E2F7: variants seen among roughly 807,000 people sequenced by gnomAD.
E2F7 encodes transcription factor E2F7.
A neutral mutation model predicts 81.1 loss-of-function variants in E2F7; 35 were observed. The observed-to-expected ratio is 0.43, with a 90% CI of 0.33 to 0.57. The LOEUF (loss-of-function observed/expected upper bound fraction) is 0.57, where lower values mean the gene tolerates loss of function less well. Ranked by LOEUF, E2F7 falls within the 20% of genes least tolerant of loss-of-function variation. The pLI is 0.04. For missense variants in E2F7, 961 were observed against 1,093.7 expected, an observed-to-expected ratio of 0.88 and a Z score of 1.71; for synonymous variants, 416 against 416.2, an observed-to-expected ratio of 1.00 and a Z score of 0.01.
At chr12:77,048,587 C>A (rs1447580023) in intron 4 of E2F7, among the ~76,000 whole-genome samples, 1 of 152,174 alleles carries the variant, frequency 6.6e-6, no homozygotes, top group Admixed American at 6.5e-5. Flanking sequence ...AGTCTGTAAC[C>A]TGGGATGTAG....
rs897456747 is a variant in E2F7 at position 77,023,520 on chromosome 12, T to C, written c.*495A>G. 6.5e-6 allele frequency: 1 copy of C among 152,906 alleles called. No individual in the cohort carries two copies. Among genetic ancestry groups the C allele is most frequent in the African/African-American group, 2.4e-5 (1 of 41,448 alleles). The allele number at this position is 152,906 out of a possible 1,614,324, so 9.5% of individuals were successfully genotyped here. On this transcript the variant is annotated 3_prime_UTR_variant, in exon 13 of 13. Coordinates refer to ENST00000322886, the MANE Select transcript of E2F7 (RefSeq NM_203394.3). ...TGTAAACTTTTTGCACTAAATCCCATTTCAGGAACAAAATAAATAACACCA... is the reference window on the plus strand; with the variant it reads ...TGTAAACTTTTTGCACTAAATCCCACTTCAGGAACAAAATAAATAACACCA...
At position 77,061,479 on chromosome 12, in the gene E2F7, G is replaced by A. The variant is rs57171848; in HGVS notation, c.93+3064C>T. Among the ~76,000 whole-genome samples the A allele has an allele frequency of 1.1e-3, 165 of 152,274 alleles. 1 individual carries two copies. Among genetic ancestry groups the A allele is most frequent in the African/African-American group, 3.9e-3 (164 of 41,546 alleles). ...TTCCTTCCTTCCAGCCACAGCTCAA[G>A]TGCTAGCTCCTTCACAAAGCTCTCC... On this transcript the variant is annotated intron_variant, in intron 2 of 12. Coordinates refer to ENST00000322886, the MANE Select transcript of E2F7 (RefSeq NM_203394.3).
intron 5 of E2F7, among the ~76,000 whole-genome samples, 184 bp from the exon 6 acceptor site, chr12:77,044,979 G>T (rs973102845): frequency 3.3e-5 from 5 of 152,210 alleles, no homozygotes; most frequent in Non-Finnish European, 7.3e-5. Flanking sequence ...AGATTTTCTT[G>T]TGGCTTGTAA....
chr12:77,063,290 C>T (rs1025653758), intron 2 of E2F7, among the ~76,000 whole-genome samples: 2 of 152,114 alleles, frequency 1.3e-5, no homozygotes, highest in African/African-American at 2.4e-5. Context: ...AAAAGGTGAA[C>T]GTTCTTGACT....
intron 2 of E2F7, among the ~76,000 whole-genome samples, chr12:77,063,420 C>G (rs7961533): frequency 1.3e-5 from 2 of 152,058 alleles, no homozygotes; most frequent in Non-Finnish European, 2.9e-5. Flanking sequence ...ATACCCCAAA[C>G]TGCAAAAGTT....
At chr12:77,050,830 G>T in intron 3 of E2F7, 86 bp from the exon 4 acceptor site, 1 of 1,371,746 alleles carries the variant, frequency 7.3e-7, no homozygotes, top group Non-Finnish European at 1.0e-6. Context: ...TTGGCAAACT[G>T]GGGGGACATC....
At chr12:77,040,514 C>T (rs1268276912) in intron 7 of E2F7, among the ~76,000 whole-genome samples, 1 of 152,190 alleles carries the variant, frequency 6.6e-6, no homozygotes, top group Admixed American at 6.5e-5. Context: ...GTGGAAACAC[C>T]CTGAGTACCG....
intron 9 of E2F7, among the ~76,000 whole-genome samples, chr12:77,031,734 G>A (rs1015843486): frequency 6.6e-6 from 1 of 152,130 alleles, no homozygotes; most frequent in African/African-American, 2.4e-5. Flanking sequence ...ATTTCTTTCC[G>A]TCTTTCTGAT....
chr12:77,034,400 T>A (rs547789453), intron 7 of E2F7, among the ~76,000 whole-genome samples: 1 of 152,238 alleles, frequency 6.6e-6, no homozygotes, highest in African/African-American at 2.4e-5. Context: ...CCGACCATGC[T>A]CAGCCCAACA....
chr12:77,050,711 A>G lies in E2F7; in HGVS notation c.403T>C (p.Phe135Leu), dbSNP rs1954979464. ...DVVGDSAVDE[F>L]EKQRPSRKQK... ...TTTCTGCTTGGCCTTTGCTTTTCAA[A>G]TTCGTCCACAGCACTGTCCCCAACA... Residue 135 changes from phenylalanine to leucine, a missense_variant, in exon 4 of 13, where the codon TTT (phenylalanine) becomes CTT (leucine). Physicochemically the swap from Phe to Leu is conservative, Grantham distance 22. Around this residue, in one of 3 missense-constraint regions of E2F7, gnomAD observed 301 missense variants for 405.0 expected, o/e 0.74. Coordinates refer to ENST00000322886, the MANE Select transcript of E2F7 (RefSeq NM_203394.3). 2 of 1,613,760 alleles carry G rather than the reference A, an allele frequency of 1.2e-6. No homozygotes were observed. Among genetic ancestry groups the G allele is most frequent in the Admixed American group, 1.7e-5 (1 of 59,918 alleles).
intron 5 of E2F7, chr12:77,045,492 C>G (rs1199821639): frequency 1.3e-5 from 2 of 153,352 alleles, no homozygotes; most frequent in Non-Finnish European, 2.9e-5. Flanking sequence ...AGACGTGATA[C>G]TTGTACTTTG....
chr12:77,064,698 A>T, intron 1 of E2F7, 63 bp from the exon 2 acceptor site: 1 of 1,313,902 alleles, frequency 7.6e-7, no homozygotes, highest in Non-Finnish European at 1.1e-6. Flanking sequence ...TCAAACAAAA[A>T]TATCTACATA....
chr12:77,062,925 CT>C (rs1288143481), intron 2 of E2F7, among the ~76,000 whole-genome samples: 3 of 150,650 alleles, frequency 2.0e-5, no homozygotes, highest in Non-Finnish European at 2.9e-5. Flanking sequence ...ATAATCTTCA[CT>C]TTATCTGTGG....
chr12:77,033,339 C>A (rs1759178026), intron 8 of E2F7, among the ~76,000 whole-genome samples: 1 of 151,864 alleles, frequency 6.6e-6, no homozygotes, highest in Non-Finnish European at 1.5e-5. Flanking sequence ...ACAGGGAGAC[C>A]CCGTCTCTAC....
intron 3 of E2F7, among the ~76,000 whole-genome samples, chr12:77,053,821 A>G (rs1027207108): frequency 6.6e-6 from 1 of 152,232 alleles, no homozygotes; most frequent in African/African-American, 2.4e-5. Flanking sequence ...CTCTAAGACT[A>G]TAAATACAAA....
At chr12:77,034,620 G>T (rs1222717289) in intron 7 of E2F7, among the ~76,000 whole-genome samples, 2 of 152,192 alleles carry the variant, frequency 1.3e-5, no homozygotes, top group Non-Finnish European at 2.9e-5. Flanking sequence ...ATAATAAAAG[G>T]TTAGGCCCTG....
chr12:77,050,247 A>G (rs1954975633), intron 4 of E2F7, among the ~76,000 whole-genome samples: 1 of 152,226 alleles, frequency 6.6e-6, no homozygotes, highest in Non-Finnish European at 1.5e-5. Flanking sequence ...CTATTTCTAA[A>G]TAGTTTTGCG....
At chr12:77,049,907 T>A (rs1250346328) in intron 4 of E2F7, among the ~76,000 whole-genome samples, 1 of 152,230 alleles carries the variant, frequency 6.6e-6, no homozygotes, top group Non-Finnish European at 1.5e-5. Context: ...TTTCTGCTTA[T>A]TTAACGAGTG....
At chr12:77,064,710 G>C (rs908011570) in intron 1 of E2F7, 75 bp from the exon 2 acceptor site, 3 of 1,229,622 alleles carry the variant, frequency 2.4e-6, no homozygotes, top group Admixed American at 1.8e-5. Context: ...ATCTACATAT[G>C]TGTTACTTGT....
Sources: gnomAD v4.1 joint callset for allele counts (sites outside exome capture counted in the v4.1 genomes callset) on GRCh38, gnomAD v4.1.1 for gene constraint, gnomAD v4.1.1 regional missense constraint, MANE v1.5 for transcripts, NCBI Gene and HGNC (gene_info 2026-07-23, HGNC 2026-07-21) for gene names.